The following ASPH variants were observed in gnomAD, a reference collection of about 807,000 sequenced individuals.
ASPH encodes aspartate beta-hydroxylase.
A neutral mutation model predicts 118.4 loss-of-function variants in ASPH; 100 were observed. The observed-to-expected ratio is 0.84, with a 90% CI of 0.72 to 1.00. The LOEUF (loss-of-function observed/expected upper bound fraction) is 1.00, where lower values mean the gene tolerates loss of function less well. Among genes scored for constraint, ASPH ranks in the 50% least tolerant of loss-of-function variants. The pLI, the probability that ASPH is intolerant of heterozygous loss-of-function variation, is 0.00. For synonymous variants in ASPH, 315 were observed against 325.6 expected (o/e 0.97, Z 0.35); for missense variants, 920 against 919.5 (o/e 1.00, Z -0.01).
chr8:61,563,052 G>A lies in ASPH; in HGVS notation c.1301-172C>T, dbSNP rs145739377. Among the ~76,000 whole-genome samples the A allele has an allele frequency of 2.1e-3, 321 of 152,046 alleles. 2 individuals are homozygous for A. Among genetic ancestry groups the A allele is most frequent in the African/African-American group, 7.5e-3 (309 of 41,468 alleles). ...TAGGATTTCATAATGTAGTTGCAAT[G>A]GTATTAATAACTGCCATAAGTAGAT... On this transcript the variant is annotated intron_variant, in intron 17 of 24. Coordinates refer to ENST00000379454, the MANE Select transcript of ASPH (RefSeq NM_004318.4).
rs932456167 is a variant in ASPH at position 61,633,613 on chromosome 8, G to C, written c.934+70C>G. The C allele has an allele frequency of 4.3e-5, 55 of 1,285,206 alleles. 1 individual carries two copies. The South Asian group carries it at 6.2e-4, about 15-fold the overall frequency. 79.6% of individuals were successfully genotyped at this position (1,285,206 alleles called of 1,614,324 possible). On this transcript the variant is annotated intron_variant, in intron 13 of 24. Coordinates refer to ENST00000379454, the MANE Select transcript of ASPH (RefSeq NM_004318.4). The stretch of plus-strand genomic sequence containing the variant: ...TTATCCTTCGTAGATTCATTATAAA[G>C]CTATTGGTAATATTAACAGGATTTT...
At chr8:61,709,611 T>C (rs1046478487) in intron 1 of ASPH, among the ~76,000 whole-genome samples, 3 of 152,234 alleles carry the variant, frequency 2.0e-5, no homozygotes, top group Non-Finnish European at 2.9e-5. Flanking sequence ...TATATGTACA[T>C]ACAGGGTTTA....
chr8:61,675,943 C>T, intron 3 of ASPH: 7 of 1,504,398 alleles, frequency 4.7e-6, no homozygotes, highest in Non-Finnish European at 6.2e-6. Flanking sequence ...GGCAAGATCA[C>T]ATGGTTGACT....
intron 15 of ASPH, chr8:61,579,255 A>G: frequency 7.4e-6 from 12 of 1,614,076 alleles, no homozygotes; most frequent in Non-Finnish European, 1.0e-5. Flanking sequence ...AGAGCTGGCC[A>G]TTAAGGATGC....
chr8:61,525,507 C>T (rs1318502075), intron 22 of ASPH, among the ~76,000 whole-genome samples: 2 of 152,090 alleles, frequency 1.3e-5, no homozygotes, highest in Non-Finnish European at 2.9e-5. Flanking sequence ...TGGTGTGTTA[C>T]CATTTTTACC....
intron 14 of ASPH, among the ~76,000 whole-genome samples, chr8:61,589,861 G>A (rs1840569266): frequency 6.6e-6 from 1 of 152,190 alleles, no homozygotes; most frequent in African/African-American, 2.4e-5. Flanking sequence ...AGAGGAATAT[G>A]TGCAATTATA....
chr8:61,618,903 T>G, intron 14 of ASPH, 75 bp downstream of exon 14: 1 of 1,301,500 alleles, frequency 7.7e-7, no homozygotes, highest in Non-Finnish European at 1.1e-6. Flanking sequence ...ATCATGTTAT[T>G]CTTGGATGGA....
intron 1 of ASPH, among the ~76,000 whole-genome samples, chr8:61,693,412 CA>C (rs1473980392): frequency 6.6e-6 from 1 of 152,190 alleles, no homozygotes; most frequent in Admixed American, 6.5e-5. Context: ...TAAAGTGTCA[CA>C]AGATAGTGAA....
intron 18 of ASPH, among the ~76,000 whole-genome samples, chr8:61,561,202 T>C (rs1375224744): frequency 6.6e-6 from 1 of 152,028 alleles, no homozygotes. Flanking sequence ...AACTAATGGA[T>C]ATGTTTGTTA....
chr8:61,636,080 T>G (rs1181720361), intron 12 of ASPH, among the ~76,000 whole-genome samples: 1 of 152,164 alleles, frequency 6.6e-6, no homozygotes, highest in African/African-American at 2.4e-5. Flanking sequence ...TTCTATTATC[T>G]GCAACTGAAA....
At chr8:61,609,215 G>C (rs1393040516) in intron 14 of ASPH, among the ~76,000 whole-genome samples, 4 of 152,172 alleles carry the variant, frequency 2.6e-5, no homozygotes. Context: ...TGCTATTCCA[G>C]TACTTTGAGG....
In ASPH at chr8:61,517,591, C is replaced by T. The variant is rs1811373586; in HGVS notation, c.2063G>A (p.Arg688Gln). ...PHTGPTNCRL[R>Q]MHLGLVIPKE... is the part of the protein sequence containing the mutation. ...GGGAATCACCAAGCCCAGGTGCATT[C>T]GGAGCCTGCAGTTTGTGGGCCCTGT... is the stretch of plus-strand genomic sequence containing the variant. Residue 688 changes from arginine (R) to glutamine (Q), a missense_variant, in exon 24 of 25, where the codon CGA becomes CAA. Transcript: ENST00000379454. 4 of 1,613,972 alleles carry T rather than the reference C, an allele frequency of 2.5e-6. No homozygotes were observed. The highest frequency in any genetic ancestry group is 1.3e-5 in the African/African-American group (1 of 74,912).
intron 12 of ASPH, among the ~76,000 whole-genome samples, chr8:61,634,467 A>T (rs1420354595): frequency 6.6e-6 from 1 of 152,208 alleles, no homozygotes; most frequent in African/African-American, 2.4e-5. Flanking sequence ...TTATGGAGCT[A>T]TTTTAATAAT....
chr8:61,680,282 T>C (rs935957542), intron 3 of ASPH, among the ~76,000 whole-genome samples: 36 of 151,770 alleles, frequency 2.4e-4, no homozygotes, highest in African/African-American at 8.5e-4. Flanking sequence ...GCAAAGGAAG[T>C]CTCACCAGGC....
At chr8:61,667,461 G>A (rs966554802) in intron 3 of ASPH, among the ~76,000 whole-genome samples, 1 of 152,040 alleles carries the variant, frequency 6.6e-6, no homozygotes, top group Admixed American at 6.6e-5. Context: ...CTGCCTCCCG[G>A]GTTCAAGCGA....
chr8:61,636,955 A>G (rs1156644159), intron 12 of ASPH, among the ~76,000 whole-genome samples: 4 of 152,154 alleles, frequency 2.6e-5, no homozygotes, highest in Non-Finnish European at 5.9e-5. Context: ...GGTCTCTCGC[A>G]GCAGCTAAGC....
chr8:61,549,153 T>C (rs1586895793), intron 20 of ASPH, among the ~76,000 whole-genome samples: 1 of 152,270 alleles, frequency 6.6e-6, no homozygotes, highest in East Asian at 1.9e-4. Flanking sequence ...AAGCATTTCA[T>C]AGTAACTTGA....
intron 24 of ASPH, among the ~76,000 whole-genome samples, chr8:61,509,805 G>A (rs1041651982): frequency 4.4e-4 from 67 of 152,062 alleles, no homozygotes; most frequent in African/African-American, 1.6e-3. Flanking sequence ...TGAGTAGGGG[G>A]GGAGGGTCTC....
chr8:61,575,253 T>A (rs1834754482), intron 16 of ASPH, among the ~76,000 whole-genome samples: 1 of 152,246 alleles, frequency 6.6e-6, no homozygotes, highest in Admixed American at 6.5e-5. Flanking sequence ...TTAGGTAAGA[T>A]GATCTAACAT....
Sources: allele counts gnomAD v4.1 joint callset (sites outside exome capture counted in the v4.1 genomes callset), GRCh38; gene constraint gnomAD v4.1.1; transcripts MANE v1.5; gene names NCBI Gene and HGNC (gene_info 2026-07-23, HGNC 2026-07-21).